Variants in ROBO2 observed in about 807,000 individuals in gnomAD.
The protein encoded by ROBO2 is roundabout guidance receptor 2, also known as roundabout homolog 2.
ROBO2 carries 53 observed loss-of-function variants against 160.8 expected under a neutral mutation model. The observed-to-expected ratio is 0.33, with a 90% CI of 0.26 to 0.41. ROBO2 has a LOEUF of 0.41. Among genes scored for constraint, ROBO2 ranks in the 10% least tolerant of loss-of-function variants. The probability of loss-of-function intolerance (pLI) is 1.00; values close to 1 mark genes in which losing one functional copy is unlikely to be tolerated. For synonymous variants in ROBO2, 664 were observed against 611.7 expected, an observed-to-expected ratio of 1.09 and a Z score of -1.26; for missense variants, 1,577 against 1,722.4, an observed-to-expected ratio of 0.92 and a Z score of 1.49.
intron 2 of ROBO2, among the ~76,000 whole-genome samples, chr3:76,910,450 G>A (rs12633633): frequency 0.074 from 11,177 of 151,906 alleles, 457 homozygotes; most frequent in South Asian, 0.15. Context: ...ATTGTTGGCC[G>A]CACATGGTGG....
At chr3:76,580,473 C>A (rs1269963275) in intron 2 of ROBO2, among the ~76,000 whole-genome samples, 1 of 150,562 alleles carries the variant, frequency 6.6e-6, no homozygotes, top group Non-Finnish European at 1.5e-5. Flanking sequence ...TGCTAAGCTT[C>A]ATTTGCTAAG....
chr3:76,057,524 G>T (rs2067890529), intron 2 of ROBO2, among the ~76,000 whole-genome samples: 1 of 152,086 alleles, frequency 6.6e-6, no homozygotes, highest in Non-Finnish European at 1.5e-5. Flanking sequence ...GGGTTGTGCT[G>T]CACACTTCTG....
At chr3:76,517,202 TG>T (rs1434961145) in intron 2 of ROBO2, among the ~76,000 whole-genome samples, 1 of 152,184 alleles carries the variant, frequency 6.6e-6, no homozygotes, top group East Asian at 1.9e-4. Flanking sequence ...CTTTTACCCA[TG>T]TATGTACATA....
At chr3:76,307,547 C>T (rs1576341263) in intron 2 of ROBO2, among the ~76,000 whole-genome samples, 1 of 150,060 alleles carries the variant, frequency 6.7e-6, no homozygotes, top group East Asian at 2.0e-4. Context: ...ATTTATAGAC[C>T]TCTGTGCTGC....
intron 2 of ROBO2, among the ~76,000 whole-genome samples, chr3:77,025,275 G>C (rs976209229): frequency 6.6e-6 from 1 of 152,234 alleles, no homozygotes; most frequent in East Asian, 1.9e-4. Flanking sequence ...GCTTAAGCCT[G>C]CTATCAGCTC....
intron 2 of ROBO2, among the ~76,000 whole-genome samples, chr3:76,853,721 T>C (rs1464045807): frequency 6.6e-6 from 1 of 152,142 alleles, no homozygotes; most frequent in Non-Finnish European, 1.5e-5. Context: ...CTGTGTCTAG[T>C]GCATCAACAT....
chr3:77,593,653 A>G (rs1003750064), intron 17 of ROBO2, among the ~76,000 whole-genome samples: 1 of 152,178 alleles, frequency 6.6e-6, no homozygotes, highest in African/African-American at 2.4e-5. Flanking sequence ...CCTGATTATG[A>G]TAGCATGAGA....
At chr3:76,083,775 A>C (rs751287866) in intron 2 of ROBO2, among the ~76,000 whole-genome samples, 30 of 152,166 alleles carry the variant, frequency 2.0e-4, no homozygotes, top group Admixed American at 7.2e-4. Context: ...ACAAAGCAGA[A>C]ATAATTGAAT....
At chr3:76,161,367 T>C (rs1441309311) in intron 2 of ROBO2, among the ~76,000 whole-genome samples, 1 of 152,182 alleles carries the variant, frequency 6.6e-6, no homozygotes, top group Non-Finnish European at 1.5e-5. Context: ...TATTTTCTAT[T>C]GTGCTTATTG....
chr3:76,251,244 C>T (rs1705976907), intron 2 of ROBO2, among the ~76,000 whole-genome samples: 1 of 151,706 alleles, frequency 6.6e-6, no homozygotes. Flanking sequence ...ATTTCCAATG[C>T]CATATTAAAG....
At chr3:76,633,184 A>G (rs1421295219) in intron 2 of ROBO2, among the ~76,000 whole-genome samples, 2 of 152,200 alleles carry the variant, frequency 1.3e-5, no homozygotes, top group African/African-American at 2.4e-5. Flanking sequence ...AGTATTTATT[A>G]TATCAAAATT....
At chr3:76,228,484 GA>G (rs1704427634) in intron 2 of ROBO2, among the ~76,000 whole-genome samples, 1 of 151,990 alleles carries the variant, frequency 6.6e-6, no homozygotes, top group Non-Finnish European at 1.5e-5. Flanking sequence ...TTTTTGGAAA[GA>G]AAACCCATAG....
chr3:76,129,598 G>A (rs997797634), intron 2 of ROBO2, among the ~76,000 whole-genome samples: 21 of 152,094 alleles, frequency 1.4e-4, no homozygotes, highest in African/African-American at 5.1e-4. Flanking sequence ...TTCGAAAAAT[G>A]ATTCAACATC....
intron 2 of ROBO2, among the ~76,000 whole-genome samples, chr3:75,981,191 G>A (rs1270572345): frequency 6.6e-6 from 1 of 151,482 alleles, no homozygotes. Context: ...TAGAGCATTA[G>A]CTTCACAGTG....
intron 2 of ROBO2, among the ~76,000 whole-genome samples, chr3:75,953,885 G>T (rs6781997): frequency 6.6e-6 from 1 of 151,550 alleles, no homozygotes; most frequent in African/African-American, 2.4e-5. Flanking sequence ...TCTACTTACT[G>T]CTATTAGACT....
At chr3:76,895,545 C>T (rs1414721389) in intron 2 of ROBO2, among the ~76,000 whole-genome samples, 1 of 151,884 alleles carries the variant, frequency 6.6e-6, no homozygotes, top group Non-Finnish European at 1.5e-5. Context: ...TGATTAGAAC[C>T]AAGTACCATT....
intron 2 of ROBO2, among the ~76,000 whole-genome samples, chr3:76,082,693 TCTTTC>T (rs1232856540): frequency 1.3e-5 from 2 of 152,150 alleles, no homozygotes; most frequent in African/African-American, 4.8e-5. Flanking sequence ...GCTGCTACTC[TCTTTC>T]CTTATTTCCT....
At chr3:76,344,332 A>G (rs1170402282) in intron 2 of ROBO2, among the ~76,000 whole-genome samples, 2 of 152,166 alleles carry the variant, frequency 1.3e-5, no homozygotes, top group African/African-American at 2.4e-5. Context: ...TGATATGCAT[A>G]TCTTCAGATA....
At chr3:76,032,515 C>T (rs372874850) in intron 2 of ROBO2, among the ~76,000 whole-genome samples, 157 of 152,268 alleles carry the variant, frequency 1.0e-3, no homozygotes, top group East Asian at 9.3e-3. Flanking sequence ...TTTCCCTCTA[C>T]GCACTGCTTT....
Sources: gnomAD v4.1 joint callset for allele counts (sites outside exome capture counted in the v4.1 genomes callset) on GRCh38, gnomAD v4.1.1 for gene constraint, MANE v1.5 for transcripts, NCBI Gene and HGNC (gene_info 2026-07-23, HGNC 2026-07-21) for gene names.